The following SGCZ variants were observed in gnomAD, a reference collection of about 807,000 sequenced individuals.
The protein encoded by SGCZ is zeta-sarcoglycan.
In SGCZ, 40 loss-of-function variants were observed where a neutral mutation model predicts 41.3. The observed-to-expected ratio is 0.97, with a 90% CI of 0.75 to 1.26. The LOEUF (loss-of-function observed/expected upper bound fraction) is 1.26, where lower values mean the gene tolerates loss of function less well. Ranked by LOEUF, SGCZ falls within the 50% of genes most tolerant of loss-of-function variation. SGCZ has a pLI of 0.00. For missense variants in SGCZ, 552 were observed against 369.8 expected, an observed-to-expected ratio of 1.49 and a Z score of -4.04; for synonymous variants, 206 against 137.5, an observed-to-expected ratio of 1.50 and a Z score of -3.49.
At chr8:14,529,588 G>C (rs569574896) in intron 2 of SGCZ, among the ~76,000 whole-genome samples, 9 of 152,162 alleles carry the variant, frequency 5.9e-5, no homozygotes, top group South Asian at 2.1e-4. Context: ...AAAGCATTTG[G>C]GTATGCAATG....
intron 1 of SGCZ, among the ~76,000 whole-genome samples, chr8:15,010,861 CAAT>C (rs1489816325): frequency 1.3e-5 from 2 of 152,266 alleles, no homozygotes; most frequent in African/African-American, 4.8e-5. Context: ...ACGTGCCAAA[CAAT>C]AATTTGCACA....
rs539995953 is a variant in SGCZ, at chr8:14,429,423, C to G, written c.235-105219G>C. On this transcript the variant is annotated intron_variant, in intron 2 of 7. Coordinates refer to ENST00000382080, the MANE Select transcript of SGCZ (RefSeq NM_139167.4). ...ACGTCAACACTTACAAGATATATTA[C>G]TGAAATAGGAGGAGGCCAGCAGCAA... Among the ~76,000 whole-genome samples, 20 of 152,192 alleles carry G rather than the reference C, an allele frequency of 1.3e-4. No individual in the cohort carries two copies. The South Asian group carries it at 4.2e-3, about 32-fold the overall frequency.
At chr8:15,128,825 C>A (rs900209892) in intron 1 of SGCZ, among the ~76,000 whole-genome samples, 21 of 152,102 alleles carry the variant, frequency 1.4e-4, no homozygotes, top group African/African-American at 4.8e-4. Context: ...ATGCAAAATT[C>A]TCTCCTTCCC....
chr8:14,837,105 C>A (rs1410960653), intron 1 of SGCZ, among the ~76,000 whole-genome samples: 2 of 152,154 alleles, frequency 1.3e-5, no homozygotes, highest in African/African-American at 4.8e-5. Flanking sequence ...CAAATTTTGT[C>A]ACTGATAATG....
At chr8:14,092,230 A>G (rs1442919978) in intron 7 of SGCZ, among the ~76,000 whole-genome samples, 1 of 152,026 alleles carries the variant, frequency 6.6e-6, no homozygotes, top group Non-Finnish European at 1.5e-5. Flanking sequence ...GCCTTGTATT[A>G]TAGTTTGAAA....
At chr8:14,935,010 A>G (rs1436122675) in intron 1 of SGCZ, among the ~76,000 whole-genome samples, 1 of 144,236 alleles carries the variant, frequency 6.9e-6, no homozygotes, top group Non-Finnish European at 1.5e-5. Context: ...AAAGGAAGAC[A>G]AAATGCAAAA....
chr8:15,177,944 A>G (rs112269025), intron 1 of SGCZ, among the ~76,000 whole-genome samples: 1 of 152,128 alleles, frequency 6.6e-6, no homozygotes, highest in Non-Finnish European at 1.5e-5. Flanking sequence ...AGGCCTCACC[A>G]CTTCCTATAA....
At chr8:14,109,060 A>G (rs1200283676) in intron 5 of SGCZ, among the ~76,000 whole-genome samples, 1 of 152,154 alleles carries the variant, frequency 6.6e-6, no homozygotes, top group Non-Finnish European at 1.5e-5. Context: ...TCACACATAG[A>G]GCTCCCACCT....
At chr8:15,004,894 A>C (rs1262212800) in intron 1 of SGCZ, among the ~76,000 whole-genome samples, 4 of 130,332 alleles carry the variant, frequency 3.1e-5, no homozygotes, top group Admixed American at 1.6e-4. Flanking sequence ...CTGTTCAAAT[A>C]CAGATTCTCA....
Position 14,344,930 on chromosome 8 carries a change from G to A in SGCZ, c.235-20726C>T, listed in dbSNP as rs139030321. Among the ~76,000 whole-genome samples the A allele has an allele frequency of 7.4e-3, 1,124 of 151,946 alleles. 9 individuals carry two copies. The highest frequency in any genetic ancestry group is 0.011 in the Non-Finnish European group (759 of 67,928). ...GTTTCTAATGATAGTGGATTTCTAC[G>A]ATACAACTAATTTAGGGCAAAATTT... On this transcript the variant is annotated intron_variant, in intron 2 of 7. Coordinates refer to ENST00000382080, the MANE Select transcript of SGCZ (RefSeq NM_139167.4).
intron 2 of SGCZ, among the ~76,000 whole-genome samples, chr8:14,435,050 A>C (rs1177880727): frequency 6.6e-6 from 1 of 152,170 alleles, no homozygotes; most frequent in Non-Finnish European, 1.5e-5. Context: ...AGAATGCTAT[A>C]ATTAGAATGA....
At chr8:14,906,998 CA>C (rs932685821) in intron 1 of SGCZ, among the ~76,000 whole-genome samples, 41 of 152,284 alleles carry the variant, frequency 2.7e-4, no homozygotes, top group African/African-American at 8.4e-4. Context: ...AACCTTAAAT[CA>C]TATCCCATAA....
intron 2 of SGCZ, among the ~76,000 whole-genome samples, chr8:14,491,433 G>C (rs1801839784): frequency 6.6e-6 from 1 of 152,162 alleles, no homozygotes. Flanking sequence ...AAGGCGATTT[G>C]AGTGCTAAGC....
At chr8:14,354,719 A>T (rs1803231377) in intron 2 of SGCZ, among the ~76,000 whole-genome samples, 1 of 151,866 alleles carries the variant, frequency 6.6e-6, no homozygotes, top group East Asian at 1.9e-4. Context: ...ACATGTATAC[A>T]AAAGACACGA....
At chr8:15,142,842 TCACC>T (rs1046123201) in intron 1 of SGCZ, among the ~76,000 whole-genome samples, 1 of 152,050 alleles carries the variant, frequency 6.6e-6, no homozygotes. Context: ...AACTCCTGGC[TCACC>T]CAATCCACCC....
intron 1 of SGCZ, among the ~76,000 whole-genome samples, chr8:15,035,666 AC>A (rs1259808932): frequency 6.6e-6 from 1 of 152,142 alleles, no homozygotes; most frequent in African/African-American, 2.4e-5. Context: ...ATGCATATGG[AC>A]ACAAAAAGAA....
chr8:14,689,810 T>G (rs997351897), intron 1 of SGCZ, among the ~76,000 whole-genome samples: 1 of 152,118 alleles, frequency 6.6e-6, no homozygotes, highest in African/African-American at 2.4e-5. Flanking sequence ...AGAATCCCCA[T>G]CAGCTGTGGT....
chr8:14,344,830 A>C (rs1802839094), intron 2 of SGCZ, among the ~76,000 whole-genome samples: 1 of 150,554 alleles, frequency 6.6e-6, no homozygotes, highest in Admixed American at 6.6e-5. Context: ...AAAATTACTA[A>C]AACTACAATT....
intron 3 of SGCZ, among the ~76,000 whole-genome samples, chr8:14,290,916 A>G (rs539814605): frequency 3.4e-4 from 52 of 152,296 alleles, no homozygotes; most frequent in African/African-American, 1.1e-3. Flanking sequence ...AGTATTCACC[A>G]TAGCTAAAAT....
Sources: gnomAD v4.1 joint callset for allele counts (sites outside exome capture counted in the v4.1 genomes callset) on GRCh38, gnomAD v4.1.1 for gene constraint, MANE v1.5 for transcripts, NCBI Gene and HGNC (gene_info 2026-07-23, HGNC 2026-07-21) for gene names.